Variants in PSPC1 observed in about 807,000 individuals in gnomAD.
The protein encoded by PSPC1 is paraspeckle component 1.
PSPC1 carries 14 observed loss-of-function variants against 51.6 expected under a neutral mutation model. The ratio of observed to expected loss-of-function variants is 0.27; its 90% CI spans 0.18 to 0.42. The LOEUF is 0.42. Among genes scored for constraint, PSPC1 ranks in the 10% least tolerant of loss-of-function variants. PSPC1 has a pLI of 1.00. For synonymous variants in PSPC1, 193 were observed against 231.9 expected (o/e 0.83, Z 1.53); for missense variants, 406 against 701.1 (o/e 0.58, Z 4.75).
At chr13:19,779,351 G>C (rs1220019887) in intron 1 of PSPC1, among the ~76,000 whole-genome samples, 1 of 113,970 alleles carries the variant, frequency 8.8e-6, no homozygotes, top group Non-Finnish European at 1.9e-5. Context: ...CCCCCCGCCC[G>C]GCCAGCCGTG....
At chr13:19,744,634 G>A (rs773494288) in intron 4 of PSPC1, among the ~76,000 whole-genome samples, 13 of 151,426 alleles carry the variant, frequency 8.6e-5, no homozygotes, top group Non-Finnish European at 1.6e-4. Context: ...GCGAGGTCTC[G>A]GCTCACTGCA....
chr13:19,723,364 T>A (rs1883001397), intron 6 of PSPC1, among the ~76,000 whole-genome samples: 1 of 152,164 alleles, frequency 6.6e-6, no homozygotes, highest in Non-Finnish European at 1.5e-5. Flanking sequence ...CATTTCCAAG[T>A]AGTCATTCAA....
chr13:19,726,001 A>C (rs757791012), intron 6 of PSPC1, among the ~76,000 whole-genome samples: 2 of 152,098 alleles, frequency 1.3e-5, no homozygotes, highest in Non-Finnish European at 2.9e-5. Flanking sequence ...GAAAGAAAAA[A>C]ATGAAGAAAG....
At chr13:19,752,035 G>A (rs1886605790) in intron 3 of PSPC1, among the ~76,000 whole-genome samples, 1 of 152,146 alleles carries the variant, frequency 6.6e-6, no homozygotes, top group African/African-American at 2.4e-5. Context: ...TCCTGCCTGG[G>A]TGACAGAGCG....
At chr13:19,700,110 T>C (rs1879723995), downstream of PSPC1, among the ~76,000 whole-genome samples, 1 of 152,076 alleles carries the variant, frequency 6.6e-6, no homozygotes, top group African/African-American at 2.4e-5. Flanking sequence ...CTTTTTCTCA[T>C]TCAGAATCTA....
chr13:19,725,131 C>T (rs1048888370), intron 6 of PSPC1, among the ~76,000 whole-genome samples: 3 of 152,110 alleles, frequency 2.0e-5, no homozygotes, highest in Non-Finnish European at 4.4e-5. Flanking sequence ...GAGCCAAGAT[C>T]ACGCCACTGA....
chr13:19,673,758 C>T (rs1276827629), downstream of PSPC1, among the ~76,000 whole-genome samples: 3 of 152,126 alleles, frequency 2.0e-5, no homozygotes, highest in Non-Finnish European at 2.9e-5. Flanking sequence ...AAATAGGAAT[C>T]GTCAAATAGT....
At chr13:19,682,473 G>A (rs1877370279) in intron 6 of PSPC1, among the ~76,000 whole-genome samples, 1 of 137,418 alleles carries the variant, frequency 7.3e-6, no homozygotes, top group African/African-American at 2.7e-5. Context: ...TTACAAAGCA[G>A]GTGGCTGAAT....
At chr13:19,740,505 T>C (rs1265451556) in intron 5 of PSPC1, among the ~76,000 whole-genome samples, 5 of 152,216 alleles carry the variant, frequency 3.3e-5, no homozygotes, top group Non-Finnish European at 7.3e-5. Context: ...TTTCACTTTT[T>C]TCTTTACTTT....
At chr13:19,742,544 G>T (rs1191125043) in intron 4 of PSPC1, among the ~76,000 whole-genome samples, 1 of 152,156 alleles carries the variant, frequency 6.6e-6, no homozygotes, top group African/African-American at 2.4e-5. Flanking sequence ...TTCGAGACCA[G>T]CATGGCCAAC....
At chr13:19,774,242 T>C (rs147697575) in intron 1 of PSPC1, among the ~76,000 whole-genome samples, 16 of 152,306 alleles carry the variant, frequency 1.1e-4, no homozygotes, top group Non-Finnish European at 2.1e-4. Context: ...GTCTTTTTCA[T>C]TGTGTTATGG....
chr13:19,766,492 A>G (rs1318660587), intron 2 of PSPC1, among the ~76,000 whole-genome samples: 2 of 152,158 alleles, frequency 1.3e-5, no homozygotes, highest in Admixed American at 1.3e-4. Flanking sequence ...CAAGAGTTCA[A>G]GGCCAGCCTG....
At chr13:19,671,870 CA>C (rs763330382), downstream of PSPC1, 1 of 1,614,082 alleles carries the variant, frequency 6.2e-7, no homozygotes, top group African/African-American at 1.3e-5. Context: ...AGTGCAGCTG[CA>C]GTGACCAAAC....
At chr13:19,776,632 C>G (rs975841217) in intron 1 of PSPC1, among the ~76,000 whole-genome samples, 1 of 151,716 alleles carries the variant, frequency 6.6e-6, no homozygotes, top group Non-Finnish European at 1.5e-5. Context: ...CTCAGCCTCC[C>G]GGGTAGCTGG....
At chr13:19,731,387 T>C (rs1295581511) in intron 5 of PSPC1, among the ~76,000 whole-genome samples, 1 of 148,202 alleles carries the variant, frequency 6.7e-6, no homozygotes, top group East Asian at 2.0e-4. Context: ...TTTCTAAACC[T>C]GAAATGCTCC....
chr13:19,685,977 T>C (rs1877824494), intron 6 of PSPC1, among the ~76,000 whole-genome samples: 1 of 152,200 alleles, frequency 6.6e-6, no homozygotes, highest in Admixed American at 6.5e-5. Context: ...ATATGCATCT[T>C]ATTGTCTCTC....
chr13:19,685,578 G>A (rs754680200), intron 6 of PSPC1, among the ~76,000 whole-genome samples: 2 of 152,182 alleles, frequency 1.3e-5, no homozygotes, highest in Non-Finnish European at 2.9e-5. Context: ...AATTCAGTCT[G>A]ACAGAAAGAG....
intron 1 of PSPC1, among the ~76,000 whole-genome samples, chr13:19,776,131 G>T (rs555625950): frequency 5.3e-5 from 8 of 152,064 alleles, no homozygotes; most frequent in African/African-American, 1.9e-4. Flanking sequence ...TTTTGATAGG[G>T]GTTTGAGTTA....
chr13:19,736,110 G>A lies in PSPC1; in HGVS notation c.1052+5455C>T, dbSNP rs1053885656. 7.9e-5 allele frequency among the ~76,000 whole-genome samples: 12 copies of A among 152,032 alleles called. No homozygotes were observed. In the South Asian group the frequency reaches 8.3e-4, roughly 11 times the overall value. ...GCTGGGATTACAGGCATGAGCCACC[G>A]CGCCCGGCCAAAAACTACTCAATTT... is the stretch of plus-strand genomic sequence containing the variant. On this transcript the variant is annotated intron_variant, in intron 5 of 8. Transcript: ENST00000338910.
Sources: gnomAD v4.1 joint callset for allele counts (sites outside exome capture counted in the v4.1 genomes callset) on GRCh38, gnomAD v4.1.1 for gene constraint, MANE v1.5 for transcripts, NCBI Gene and HGNC (gene_info 2026-07-23, HGNC 2026-07-21) for gene names.